Variants in TMEM163 observed in about 807,000 individuals in gnomAD.
TMEM163 encodes transmembrane protein 163.
TMEM163 carries 17 observed loss-of-function variants against 29.3 expected under a neutral mutation model. The observed-to-expected ratio is 0.58, with a 90% CI of 0.40 to 0.87. The LOEUF is 0.87. TMEM163 is among the 40% of genes least tolerant of loss of function. The pLI is 0.00. For synonymous variants in TMEM163, 157 were observed against 160.6 expected (o/e 0.98, Z 0.17); for missense variants, 303 against 381.5 (o/e 0.79, Z 1.71).
At chr2:134,469,730 C>T (rs903341952) in intron 5 of TMEM163, 3 of 152,412 alleles carry the variant, frequency 2.0e-5, no homozygotes, top group Admixed American at 1.3e-4. Flanking sequence ...TCCAGCTTCG[C>T]TGAGTCATAA....
intron 5 of TMEM163, among the ~76,000 whole-genome samples, chr2:134,485,963 G>C (rs987979777): frequency 1.3e-5 from 2 of 152,166 alleles, no homozygotes; most frequent in Non-Finnish European, 2.9e-5. Flanking sequence ...TGCTCCATGA[G>C]AAAGTCCCCT....
At chr2:134,638,800 C>T (rs1574300354) in intron 2 of TMEM163, among the ~76,000 whole-genome samples, 1 of 152,186 alleles carries the variant, frequency 6.6e-6, no homozygotes, top group African/African-American at 2.4e-5. Flanking sequence ...CAAAACAACA[C>T]CCTCACCACG....
At chr2:134,627,575 C>T (rs1682880428) in intron 2 of TMEM163, among the ~76,000 whole-genome samples, 1 of 152,020 alleles carries the variant, frequency 6.6e-6, no homozygotes, top group South Asian at 2.1e-4. Flanking sequence ...TATTTTTTTA[C>T]ATTTAATAAT....
chr2:134,629,196 G>A (rs1307642635), intron 2 of TMEM163, among the ~76,000 whole-genome samples: 1 of 152,166 alleles, frequency 6.6e-6, no homozygotes, highest in African/African-American at 2.4e-5. Flanking sequence ...TTAAGTAATG[G>A]ATCCAAGATC....
chr2:134,707,421 G>A (rs1389168426), intron 2 of TMEM163, among the ~76,000 whole-genome samples: 1 of 152,218 alleles, frequency 6.6e-6, no homozygotes, highest in Non-Finnish European at 1.5e-5. Context: ...TTTAGGACGG[G>A]ACAGAGATTT....
rs543182518 is a variant in TMEM163, at chr2:134,545,709, C to A, written c.458+4861G>T. On this transcript the variant is annotated intron_variant, in intron 4 of 7. Transcript: ENST00000281924. ...CACCTGGCCTCACCCATGTCCCTGA[C>A]CTTTTGTCCCCACCCTGCCTCAGCC... Among the ~76,000 whole-genome samples the A allele has an allele frequency of 5.9e-5, 9 of 152,292 alleles. No individual in the cohort carries two copies. In the South Asian group the frequency reaches 1.0e-3, roughly 18 times the overall value.
chr2:134,504,917 G>A (rs1035895146), intron 4 of TMEM163, among the ~76,000 whole-genome samples: 8 of 152,054 alleles, frequency 5.3e-5, no homozygotes, highest in African/African-American at 1.9e-4. Flanking sequence ...GCAAGAGCAG[G>A]GATTCCTAGG....
At chr2:134,520,660 A>G (rs1348021873) in intron 4 of TMEM163, among the ~76,000 whole-genome samples, 1 of 152,250 alleles carries the variant, frequency 6.6e-6, no homozygotes, top group South Asian at 2.1e-4. Flanking sequence ...CAGGGTCTAT[A>G]GCTCACCCCA....
intron 4 of TMEM163, among the ~76,000 whole-genome samples, chr2:134,515,828 C>G (rs1680045358): frequency 2.0e-5 from 3 of 152,252 alleles, no homozygotes; most frequent in Admixed American, 2.0e-4. Context: ...AGACTTTGTT[C>G]CCTTCTACTT....
chr2:134,544,660 T>A (rs1680741902), intron 4 of TMEM163, among the ~76,000 whole-genome samples: 1 of 152,120 alleles, frequency 6.6e-6, no homozygotes, highest in African/African-American at 2.4e-5. Context: ...CCGGGTGTAG[T>A]GGCACATGCC....
At chr2:134,609,803 C>A in intron 2 of TMEM163, among the ~76,000 whole-genome samples, 1 of 116,952 alleles carries the variant, frequency 8.6e-6, no homozygotes, top group East Asian at 2.5e-4. Context: ...ACCCCGAGAA[C>A]TGTACTGGTG....
intron 2 of TMEM163, among the ~76,000 whole-genome samples, chr2:134,707,990 G>A (rs1338534490): frequency 2.0e-5 from 3 of 151,266 alleles, no homozygotes; most frequent in East Asian, 1.9e-4. Context: ...TGGTTCAGGC[G>A]ATTCTCCTAC....
rs552692460 is a variant in TMEM163, at chr2:134,586,473, G to A, written c.323-34382C>T. On this transcript the variant is annotated intron_variant, in intron 2 of 7. Coordinates refer to ENST00000281924, the MANE Select transcript of TMEM163 (RefSeq NM_030923.5). ...TTCACGTGGCATTCTCTTTGCGTGC[G>A]TATCTGTGTCCACATTTCCCCTTTT... Among the ~76,000 whole-genome samples, 15 of 152,274 alleles carry A rather than the reference G, an allele frequency of 9.9e-5. No homozygotes were observed. In the East Asian group the frequency reaches 1.7e-3, roughly 18 times the overall value.
At chr2:134,497,318 T>C (rs1679591836) in intron 5 of TMEM163, among the ~76,000 whole-genome samples, 2 of 152,224 alleles carry the variant, frequency 1.3e-5, no homozygotes, top group South Asian at 4.1e-4. Context: ...AGCAATCAAA[T>C]GGTAGCCAAT....
Position 134,605,828 on chromosome 2 carries a change from G to A in TMEM163, c.323-53737C>T, listed in dbSNP as rs116003714. ...TCCAAACACATGGAAAGGTAAAGAT[G>A]ACAACAATGTATTGTGTAAGTGACA... is the stretch of plus-strand genomic sequence containing the variant. On this transcript the variant is annotated intron_variant, in intron 2 of 7. Transcript: ENST00000281924. Among the ~76,000 whole-genome samples the A allele has an allele frequency of 2.8e-3, 433 of 152,242 alleles. 2 individuals carry two copies. Among genetic ancestry groups the A allele is most frequent in the African/African-American group, 9.7e-3 (405 of 41,542 alleles).
intron 2 of TMEM163, among the ~76,000 whole-genome samples, chr2:134,665,148 A>G (rs1023651989): frequency 2.0e-5 from 3 of 152,146 alleles, no homozygotes; most frequent in African/African-American, 7.2e-5. Flanking sequence ...ACACTTTGCA[A>G]ACTACTGCAA....
chr2:134,523,878 T>G (rs1680238182), intron 4 of TMEM163, among the ~76,000 whole-genome samples: 1 of 152,230 alleles, frequency 6.6e-6, no homozygotes, highest in South Asian at 2.1e-4. Context: ...TGGCACTTTC[T>G]GTAGACATTT....
chr2:134,683,754 A>G (rs1168870310), intron 2 of TMEM163, among the ~76,000 whole-genome samples: 1 of 152,208 alleles, frequency 6.6e-6, no homozygotes, highest in Non-Finnish European at 1.5e-5. Flanking sequence ...AGATTTTGCT[A>G]TGAAAACAAA....
intron 4 of TMEM163, among the ~76,000 whole-genome samples, chr2:134,544,136 C>A (rs1175882663): frequency 6.6e-6 from 1 of 152,162 alleles, no homozygotes; most frequent in Non-Finnish European, 1.5e-5. Context: ...GAGTGTCAAG[C>A]TGGACCTTCT....
Sources: gnomAD v4.1 joint callset for allele counts (sites outside exome capture counted in the v4.1 genomes callset) on GRCh38, gnomAD v4.1.1 for gene constraint, MANE v1.5 for transcripts, NCBI Gene and HGNC (gene_info 2026-07-23, HGNC 2026-07-21) for gene names.